The following MDN1 variants were observed in gnomAD, a reference collection of about 807,000 sequenced individuals.
MDN1 encodes the protein midasin.
MDN1 carries 266 observed loss-of-function variants against 669.2 expected under a neutral mutation model. The ratio of observed to expected loss-of-function variants is 0.40; its 90% confidence interval spans 0.36 to 0.44. MDN1 has a LOEUF of 0.44. Ranked by LOEUF, MDN1 falls within the 20% of genes least tolerant of loss-of-function variation. The pLI is 1.00. For missense variants in MDN1, 5,940 were observed against 6,754.0 expected (o/e 0.88, Z 4.22); for synonymous variants, 2,385 against 2,457.1 (o/e 0.97, Z 0.87).
In MDN1 at chr6:89,814,824, T is replaced by G. The variant is rs114879487; in HGVS notation, c.102+4682A>C. The G allele has an allele frequency of 8.3e-4, 393 of 476,194 alleles. 1 individual carries two copies. The highest frequency in any genetic ancestry group is 7.5e-3 in the African/African-American group (378 of 50,168). 29.5% of individuals were successfully genotyped at this position (476,194 alleles called of 1,614,324 possible). On this transcript the variant is annotated intron_variant, in intron 1 of 101. Transcript: ENST00000369393. The stretch of plus-strand genomic sequence containing the variant: ...GCCCTGGGTTCTCTGTGCAGACAGT[T>G]CCAAAGAAGGCTGCCCCTAAGAGCC...
intron 84 of MDN1, among the ~76,000 whole-genome samples, chr6:89,666,831 T>A (rs562584167): frequency 4.6e-5 from 7 of 152,304 alleles, no homozygotes; most frequent in Admixed American, 4.6e-4. Flanking sequence ...CTTAGGTTAT[T>A]TCCATGTTGA....
chr6:89,769,139 T>C (rs1817960602), intron 15 of MDN1, among the ~76,000 whole-genome samples: 1 of 152,138 alleles, frequency 6.6e-6, no homozygotes, highest in African/African-American at 2.4e-5. Context: ...ACATAACTTA[T>C]AAAACAGATG....
Position 89,672,256 on chromosome 6 carries a change from C to G in MDN1, c.13738G>C (p.Glu4580Gln). 1 of 1,611,868 alleles carries G rather than the reference C, an allele frequency of 6.2e-7. No individual in the cohort carries two copies. Among genetic ancestry groups the G allele is most frequent in the Non-Finnish European group, 8.5e-7 (1 of 1,179,592 alleles). Reference protein sequence around the residue: ...HVQKIISAISELLERLKSYGE... With the variant: ...HVQKIISAISQLLERLKSYGE... Reference sequence around the variant, plus strand: ...TACGATTTCAGCCTCTCCAACAGCTCGGAGATGGCAGAAATTATTTTCTGC... The same window carrying G: ...TACGATTTCAGCCTCTCCAACAGCTGGGAGATGGCAGAAATTATTTTCTGC... The change falls in exon 82 of 102, where the codon GAG becomes CAG. Residue 4580 changes from glutamate to glutamine, a missense_variant. Transcript: ENST00000369393.
intron 78 of MDN1, among the ~76,000 whole-genome samples, chr6:89,675,036 C>T (rs113951512): frequency 2.0e-4 from 31 of 152,354 alleles, no homozygotes; most frequent in African/African-American, 7.5e-4. Flanking sequence ...AGATTGCCAT[C>T]TGGGGGATCC....
At position 89,655,848 on chromosome 6, in the gene MDN1, G is replaced by C. The variant is rs1809240134; in HGVS notation, c.15406C>G (p.Gln5136Glu). 6.2e-7 allele frequency: 1 copy of C among 1,613,988 alleles called. No individual in the cohort carries two copies. The highest frequency in any genetic ancestry group is 8.5e-7 in the Non-Finnish European group (1 of 1,180,034). Residue 5136 changes from glutamine (Q) to glutamate (E), a missense_variant, in exon 92 of 102, where the codon CAG becomes GAG. Coordinates refer to ENST00000369393, the MANE Select transcript of MDN1 (RefSeq NM_014611.3). ...TDSHAEQGPA[Q>E]QPQAQVEDAD... is the part of the protein sequence containing the mutation. ...TCCTCCACCTGGGCCTGGGGCTGCTGAGCTGGCCCCTGCTCGGCATGGCTG... is the reference window on the plus strand; with the variant it reads ...TCCTCCACCTGGGCCTGGGGCTGCTCAGCTGGCCCCTGCTCGGCATGGCTG...
rs765567151 is a variant in MDN1, at chr6:89,710,767, C to T, written c.7679G>A (p.Ser2560Asn). 1 of 1,604,076 alleles carries T rather than the reference C, an allele frequency of 6.2e-7. No individual in the cohort carries two copies. The highest frequency in any genetic ancestry group is 1.7e-5 in the Admixed American group (1 of 58,316). ...LESIQIHLEA[S>N]AASLRNFYSH... Reference sequence around the variant, plus strand: ...GTAAAAATTCCTGAGAGATGCAGCACTGGCTTCCAAATGAATTTGTATGGA... The same window carrying T: ...GTAAAAATTCCTGAGAGATGCAGCATTGGCTTCCAAATGAATTTGTATGGA... The change falls in exon 50 of 102, where the codon AGT (serine) becomes AAT (asparagine). Residue 2560 changes from serine (S) to asparagine (N), a missense_variant. Physicochemically the swap from Ser to Asn is conservative, Grantham distance 46. This residue lies in a region of MDN1 where 2,292 missense variants were observed against 2,638.3 expected (regional missense o/e 0.87). Transcript: ENST00000369393.
intron 64 of MDN1, 83 bp downstream of exon 64, chr6:89,690,590 A>T: frequency 6.6e-7 from 1 of 1,505,410 alleles, no homozygotes; most frequent in Non-Finnish European, 9.1e-7. Context: ...AGAGATAAAG[A>T]GGAAGAGAGA....
At chr6:89,673,717 A>C (rs939119120) in intron 79 of MDN1, among the ~76,000 whole-genome samples, 1 of 149,814 alleles carries the variant, frequency 6.7e-6, no homozygotes, top group African/African-American at 2.6e-5. Flanking sequence ...TTATTCCATT[A>C]ATGATAAATT....
At position 89,700,736 on chromosome 6, in the gene MDN1, C is replaced by G; in HGVS notation, c.8548G>C (p.Val2850Leu). Residue 2850 changes from valine to leucine, a missense_variant, in exon 56 of 102, where the codon GTG (valine) becomes CTG (leucine). Physicochemically the swap from Val to Leu is conservative, Grantham distance 32. Around this residue, in one of 5 missense-constraint regions of MDN1, gnomAD observed 2,292 missense variants for 2,638.3 expected, o/e 0.87. Coordinates refer to ENST00000369393, the MANE Select transcript of MDN1 (RefSeq NM_014611.3). The stretch of plus-strand genomic sequence containing the variant: ...TTTAATGTCCACTGAGAAGCAACCA[C>G]TTGGAGACGGTTAATGTCTTCCTGC... ...GWQEDINRLQVVASQWTLKKS... is the reference protein window; with the variant it reads ...GWQEDINRLQLVASQWTLKKS... 1 of 1,614,198 alleles carries G rather than the reference C, an allele frequency of 6.2e-7. No individual in the cohort carries two copies. The highest frequency in any genetic ancestry group is 8.5e-7 in the Non-Finnish European group (1 of 1,180,026).
Position 89,646,526 on chromosome 6 carries a change from G to T in MDN1, c.16459+14C>A. The stretch of plus-strand genomic sequence containing the variant: ...AAAGCATTTTGTTAATGAAGAGGAA[G>T]GCATGCAGCTCACCTGAACTGATGT... On this transcript the variant is annotated intron_variant, in intron 100 of 101. Transcript: ENST00000369393. 1 of 1,612,428 alleles carries T rather than the reference G, an allele frequency of 6.2e-7. No homozygotes were observed. Among genetic ancestry groups the T allele is most frequent in the Non-Finnish European group, 8.5e-7 (1 of 1,178,586 alleles).
rs755626031 is a variant in MDN1 at position 89,713,295 on chromosome 6, AC to A, written c.7070del (p.Gly2357ValfsTer10). On this transcript the variant is annotated frameshift_variant and splice_region_variant, in exon 47 of 102. Coordinates refer to ENST00000369393, the MANE Select transcript of MDN1 (RefSeq NM_014611.3). LOFTEE classifies it high-confidence loss of function. ...LHTETRSTVVGSPTSSVSTLI... is the reference protein window; with the variant it reads ...LHTETRSTVVXSPTSSVSTLI... ...GAGTTGATACAGAAGATGTTGGAGA[AC>A]CTATTAAAAAAAAATTGCCATCTAT... 1.2e-6 allele frequency: 2 copies of A among 1,604,888 alleles called. No homozygotes were observed. Among genetic ancestry groups the A allele is most frequent in the South Asian group, 1.1e-5 (1 of 90,216 alleles).
chr6:89,690,514 C>T (rs887664801), intron 64 of MDN1, among the ~76,000 whole-genome samples, 159 bp downstream of exon 64: 6 of 152,012 alleles, frequency 3.9e-5, no homozygotes, highest in African/African-American at 4.8e-5. Flanking sequence ...GCTATGATTG[C>T]GCCACTGCAC....
chr6:89,679,940 G>A (rs773517167), intron 74 of MDN1, among the ~76,000 whole-genome samples: 7 of 152,230 alleles, frequency 4.6e-5, no homozygotes, highest in Non-Finnish European at 1.0e-4. Flanking sequence ...CTTGAGCAAC[G>A]GCTGACAAGT....
intron 79 of MDN1, 21 bp from the exon 80 acceptor site, chr6:89,673,483 T>C (rs774137465): frequency 1.2e-6 from 2 of 1,608,104 alleles, no homozygotes; most frequent in South Asian, 1.1e-5. Context: ...AATGCCACAA[T>C]GTTGAAAGGA....
intron 83 of MDN1, among the ~76,000 whole-genome samples, chr6:89,670,153 TATATATATA>T (rs1562061672): frequency 2.6e-4 from 6 of 22,968 alleles, no homozygotes; most frequent in African/African-American, 8.1e-4. Flanking sequence ...TATATATATA[TATATATATA>T]TATATATATT....
intron 71 of MDN1, among the ~76,000 whole-genome samples, chr6:89,684,639 G>A (rs771060982): frequency 2.6e-5 from 4 of 152,188 alleles, no homozygotes; most frequent in Non-Finnish European, 4.4e-5. Context: ...ACAGATTTCT[G>A]TGGCAGTCCT....
intron 1 of MDN1, among the ~76,000 whole-genome samples, chr6:89,804,797 C>A (rs919481256): frequency 6.6e-6 from 1 of 151,860 alleles, no homozygotes; most frequent in South Asian, 2.1e-4. Flanking sequence ...TTTGGGAGGC[C>A]GAGGCAGGCG....
rs771649034 is a variant in MDN1, at chr6:89,758,850, A to G, written c.2571T>C (p.Ser857=). The G allele has an allele frequency of 6.8e-6, 11 of 1,614,204 alleles. No homozygotes were observed. The highest frequency in any genetic ancestry group is 4.4e-5 in the South Asian group (4 of 91,088). The change falls in exon 18 of 102, where the codon TCT becomes TCC. Residue 857 remains serine (S), a synonymous_variant. Transcript: ENST00000369393. ...ECLSGLLEGS[S]GSLVLLDRGD... ...CTCGATCCAGCAACACCAGGGATCC[A>G]GAAGATCCTTCAAGCAAACCACTCA...
chr6:89,690,251 G>A (rs1449633448), intron 64 of MDN1, 108 bp from the exon 65 acceptor site: 2 of 1,148,258 alleles, frequency 1.7e-6, no homozygotes, highest in Non-Finnish European at 2.5e-6. Flanking sequence ...AAATGAAATA[G>A]GACTAATATA....
Sources: gnomAD v4.1 joint callset for allele counts (sites outside exome capture counted in the v4.1 genomes callset) on GRCh38, gnomAD v4.1.1 for gene constraint, gnomAD v4.1.1 regional missense constraint, MANE v1.5 for transcripts, NCBI Gene and HGNC (gene_info 2026-07-23, HGNC 2026-07-21) for gene names.